Variants in GPATCH8 observed in about 807,000 individuals in gnomAD.
GPATCH8 encodes the protein G patch domain-containing protein 8.
A neutral mutation model predicts 118.3 loss-of-function variants in GPATCH8; 18 were observed. The observed-to-expected ratio is 0.15, with a 90% CI of 0.11 to 0.23. The LOEUF is 0.23. Among genes scored for constraint, GPATCH8 ranks in the 10% least tolerant of loss-of-function variants. The probability of loss-of-function intolerance (pLI) is 1.00; values close to 1 mark genes in which losing one functional copy is unlikely to be tolerated. For missense variants in GPATCH8, 1,631 were observed against 1,873.8 expected, an observed-to-expected ratio of 0.87 and a Z score of 2.39; for synonymous variants, 659 against 684.7, an observed-to-expected ratio of 0.96 and a Z score of 0.59.
At chr17:44,446,399 T>C (rs1190160303) in intron 3 of GPATCH8, among the ~76,000 whole-genome samples, 1 of 152,090 alleles carries the variant, frequency 6.6e-6, no homozygotes, top group African/African-American at 2.4e-5. Context: ...ACCCAGTCTC[T>C]ACTAAAAACA....
intron 1 of GPATCH8, among the ~76,000 whole-genome samples, chr17:44,498,517 T>C (rs781678906): frequency 1.5e-4 from 23 of 152,236 alleles, no homozygotes; most frequent in Non-Finnish European, 2.8e-4. Flanking sequence ...ACTTCTCTTA[T>C]GCTGACTTTA....
chr17:44,414,820 A>T (rs531500835), intron 6 of GPATCH8, among the ~76,000 whole-genome samples: 1 of 152,346 alleles, frequency 6.6e-6, no homozygotes, highest in African/African-American at 2.4e-5. Flanking sequence ...GACTTTTTAT[A>T]TAAATAATAC....
In GPATCH8 at chr17:44,400,184, G is replaced by A. The variant is rs144183016; in HGVS notation, c.1893C>T (p.Asp631=). ...TACAGGCAGACCCTGAAGCAGGTGC[G>A]TCCATTCTGCCTCCTGAGGAACGTA... The part of the protein sequence containing the change: ...KIVRSSGGRM[D]APASGSACSG... The change falls in exon 8 of 8, where the codon GAC becomes GAT. Residue 631 remains aspartate, a synonymous_variant. Coordinates refer to ENST00000591680, the MANE Select transcript of GPATCH8 (RefSeq NM_001002909.4). The A allele has an allele frequency of 2.7e-5, 44 of 1,613,864 alleles. No individual in the cohort carries two copies. Among genetic ancestry groups the A allele is most frequent in the East Asian group, 2.0e-4 (9 of 44,858 alleles).
rs553301096 is a variant in GPATCH8, at chr17:44,442,570, T to C, written c.194-6025A>G. Among the ~76,000 whole-genome samples, 11 of 152,282 alleles carry C rather than the reference T, an allele frequency of 7.2e-5. No homozygotes were observed. In the East Asian group the frequency reaches 1.2e-3, roughly 16 times the overall value. On this transcript the variant is annotated intron_variant, in intron 3 of 7. Transcript: ENST00000591680. ...AATTCCAGCTTCCAGGCTCAAGCAA[T>C]TCTTGCCTCTAGGCCTCCTGAGTAG... is the stretch of plus-strand genomic sequence containing the variant.
rs200796067 is a variant in GPATCH8, at chr17:44,398,681, C to T, written c.3396G>A (p.Gly1132=). Residue 1132 remains glycine, a synonymous_variant, in exon 8 of 8, where the codon GGG becomes GGA. Coordinates refer to ENST00000591680, the MANE Select transcript of GPATCH8 (RefSeq NM_001002909.4). ...KLKDPPQGYF[G]PKLPPSLGNK... is the part of the protein sequence containing the mutation. Reference sequence around the variant, plus strand: ...TGCCAAGAGATGGGGGGAGCTTGGGCCCAAAGTAACCTTGTGGGGGGTCCT... The same window carrying T: ...TGCCAAGAGATGGGGGGAGCTTGGGTCCAAAGTAACCTTGTGGGGGGTCCT... 50 of 1,577,186 alleles carry T rather than the reference C, an allele frequency of 3.2e-5. No individual in the cohort carries two copies. Among genetic ancestry groups the T allele is most frequent in the Non-Finnish European group, 4.3e-5 (50 of 1,160,804 alleles).
chr17:44,396,845 C>T lies in GPATCH8; in HGVS notation c.*723G>A, dbSNP rs1257008659. 2.2e-6 allele frequency: 1 copy of T among 454,374 alleles called. No individual in the cohort carries two copies. The highest frequency in any genetic ancestry group is 4.4e-6 in the Non-Finnish European group (1 of 226,768). The allele number at this position is 454,374 out of a possible 1,614,324, so 28.1% of individuals were successfully genotyped here. On this transcript the variant is annotated 3_prime_UTR_variant, in exon 8 of 8. Coordinates refer to ENST00000591680, the MANE Select transcript of GPATCH8 (RefSeq NM_001002909.4). ...AAGAAAATATACCCTTCACTTTAGACACATGAGCTCCTCTCTGGGCCATAC... is the reference window on the plus strand; with the variant it reads ...AAGAAAATATACCCTTCACTTTAGATACATGAGCTCCTCTCTGGGCCATAC...
intron 5 of GPATCH8, among the ~76,000 whole-genome samples, chr17:44,429,694 A>ACACACAAAAC (rs1195472951): frequency 4.7e-5 from 7 of 149,320 alleles, no homozygotes; most frequent in Non-Finnish European, 7.4e-5. Context: ...ACAAAACAAC[A>ACACACAAAAC]AACAAACAAA....
chr17:44,463,776 T>C (rs752365608), intron 3 of GPATCH8, among the ~76,000 whole-genome samples: 6 of 152,236 alleles, frequency 3.9e-5, no homozygotes, highest in Non-Finnish European at 8.8e-5. Flanking sequence ...ACGCAGTTGG[T>C]TGGTTTCCAA....
intron 3 of GPATCH8, among the ~76,000 whole-genome samples, chr17:44,462,898 G>A (rs1409498323): frequency 1.3e-5 from 2 of 151,938 alleles, no homozygotes; most frequent in African/African-American, 2.4e-5. Flanking sequence ...GGAGAATGGC[G>A]TGAACCCGGG....
chr17:44,421,849 C>T (rs1392770164), intron 6 of GPATCH8, among the ~76,000 whole-genome samples: 2 of 151,890 alleles, frequency 1.3e-5, no homozygotes, highest in South Asian at 2.1e-4. Context: ...GCCTCGAACC[C>T]CCAAGCAGCT....
rs1401252236 is a variant in GPATCH8, at chr17:44,400,509, C to A, written c.1568G>T (p.Gly523Val). The A allele has an allele frequency of 3.7e-6, 6 of 1,613,962 alleles. No homozygotes were observed. The African/African-American group carries it at 4.0e-5, about 11-fold the overall frequency. The change falls in exon 8 of 8, where the codon GGG (glycine) becomes GTG (valine). Residue 523 changes from glycine (G) to valine (V), a missense_variant. By Grantham distance (109) the Gly-to-Val change is moderately radical. This residue lies in a region of GPATCH8 where 405 missense variants were observed against 462.7 expected (regional missense o/e 0.88). Coordinates refer to ENST00000591680, the MANE Select transcript of GPATCH8 (RefSeq NM_001002909.4). The stretch of plus-strand genomic sequence containing the variant: ...TTTGGGTCCTTCTTGGCTTTCTTTC[C>A]CTGCTGGGGTGGCCAGAGAGGTTTC... ...SKETSLATPA[G>V]KESQEGPKHP...
In GPATCH8 at chr17:44,396,513, TAA is replaced by T. The variant is rs778019612; in HGVS notation, c.*1053_*1054del. 6 of 452,676 alleles carry T rather than the reference TAA, an allele frequency of 1.3e-5. No homozygotes were observed. The highest frequency in any genetic ancestry group is 4.0e-5 in the African/African-American group (2 of 49,878). The allele number at this position is 452,676 out of a possible 1,614,324, so 28.0% of individuals were successfully genotyped here. A position where few individuals can be genotyped will look rare whatever the true frequency, so the allele number is the denominator to read the frequency against. On this transcript the variant is annotated 3_prime_UTR_variant, in exon 8 of 8. Coordinates refer to ENST00000591680, the MANE Select transcript of GPATCH8 (RefSeq NM_001002909.4). ...ATAGTTCATAACTTCAAAAAATACATAAGTTTGGTAAAATATACATGCTTAGT... is the reference window on the plus strand; with the variant it reads ...ATAGTTCATAACTTCAAAAAATACATGTTTGGTAAAATATACATGCTTAGT...
chr17:44,432,306 G>A (rs968608862), intron 5 of GPATCH8, among the ~76,000 whole-genome samples: 1 of 152,106 alleles, frequency 6.6e-6, no homozygotes, highest in Non-Finnish European at 1.5e-5. Flanking sequence ...GATAGTATAC[G>A]TAGATGAAGG....
At chr17:44,440,712 G>A (rs2050659369) in intron 3 of GPATCH8, among the ~76,000 whole-genome samples, 1 of 152,182 alleles carries the variant, frequency 6.6e-6, no homozygotes, top group African/African-American at 2.4e-5. Flanking sequence ...AAAACCCACT[G>A]ATTATCACAG....
intron 5 of GPATCH8, among the ~76,000 whole-genome samples, chr17:44,426,856 T>TCC (rs2050108763): frequency 1.3e-5 from 2 of 149,606 alleles, no homozygotes; most frequent in Non-Finnish European, 3.0e-5. Flanking sequence ...ACACTCTCTC[T>TCC]CTCTCTCTCT....
intron 3 of GPATCH8, among the ~76,000 whole-genome samples, chr17:44,463,771 G>A (rs2051653795): frequency 6.6e-6 from 1 of 152,212 alleles, no homozygotes; most frequent in Non-Finnish European, 1.5e-5. Flanking sequence ...AGAGAACGCA[G>A]TTGGTTGGTT....
chr17:44,495,194 C>T (rs1307537098), intron 1 of GPATCH8, among the ~76,000 whole-genome samples: 1 of 152,066 alleles, frequency 6.6e-6, no homozygotes, highest in Non-Finnish European at 1.5e-5. Context: ...ATTAGCCAGG[C>T]GTGGTAGTGG....
At chr17:44,483,538 C>CAT (rs1264244907) in intron 1 of GPATCH8, among the ~76,000 whole-genome samples, 7 of 151,708 alleles carry the variant, frequency 4.6e-5, no homozygotes, top group East Asian at 3.9e-4. Context: ...CGTGAGCCAC[C>CAT]GCGACTGGCC....
chr17:44,466,023 C>CA (rs1568029609), intron 2 of GPATCH8: 1 of 149,352 alleles, frequency 6.7e-6, no homozygotes, highest in African/African-American at 2.5e-5. Flanking sequence ...AAAACCAGGA[C>CA]TTTTTTTTTT....
Sources: allele counts gnomAD v4.1 joint callset (sites outside exome capture counted in the v4.1 genomes callset), GRCh38; gene constraint gnomAD v4.1.1; regional missense constraint gnomAD v4.1.1; transcripts MANE v1.5; gene names NCBI Gene and HGNC (gene_info 2026-07-23, HGNC 2026-07-21).